The following PCM1 variants were observed in gnomAD, a reference collection of about 807,000 sequenced individuals.
PCM1 encodes the protein pericentriolar material 1.
PCM1 carries 157 observed loss-of-function variants against 241.9 expected under a neutral mutation model. The observed-to-expected ratio is 0.65, with a 90% confidence interval of 0.57 to 0.74. The LOEUF is 0.74. Among genes scored for constraint, PCM1 ranks in the 30% least tolerant of loss-of-function variants. The probability of loss-of-function intolerance (pLI) is 0.00; values close to 1 mark genes in which losing one functional copy is unlikely to be tolerated. For synonymous variants in PCM1, 1,085 were observed against 784.9 expected (o/e 1.38, Z -6.39); for missense variants, 3,478 against 2,360.1 (o/e 1.47, Z -9.81).
rs767341755 is a variant in PCM1 at position 17,969,702 on chromosome 8, C to T, written c.3538C>T (p.Pro1180Ser). The T allele has an allele frequency of 6.2e-7, 1 of 1,612,688 alleles. No individual in the cohort carries two copies. Among genetic ancestry groups the T allele is most frequent in the South Asian group, 1.1e-5 (1 of 90,998 alleles). ...AGGAAAAACAGAATATATGGCTTTTCCAAAACCTTTTGAAAGCAGTTCCTC... is the reference window on the plus strand; with the variant it reads ...AGGAAAAACAGAATATATGGCTTTTTCAAAACCTTTTGAAAGCAGTTCCTC... ...SSGKTEYMAF[P>S]KPFESSSSIG... Residue 1180 changes from proline to serine, a missense_variant, in exon 22 of 39, where the codon CCA (proline) becomes TCA (serine). Pro to Ser is a moderately conservative substitution (Grantham distance 74, BLOSUM62 -1). Transcript: ENST00000325083.
At position 17,957,692 on chromosome 8, in the gene PCM1, G is replaced by A. The variant is rs1184926801; in HGVS notation, c.1957G>A (p.Ala653Thr). The A allele has an allele frequency of 7.4e-6, 12 of 1,612,560 alleles. No individual in the cohort carries two copies. The South Asian group carries it at 1.2e-4, about 16-fold the overall frequency. ...SSLVDEHPED[A>T]EFEQKINRLM... is the part of the protein sequence containing the mutation. ...TCTGGTTGATGAGCATCCAGAAGAT[G>A]CTGAATTTGAACAGAAGATCAACCG... Residue 653 changes from alanine (A) to threonine (T), a missense_variant, in exon 13 of 39, where the codon GCT becomes ACT. Coordinates refer to ENST00000325083, the MANE Select transcript of PCM1 (RefSeq NM_006197.4).
intron 23 of PCM1, among the ~76,000 whole-genome samples, chr8:17,973,459 C>T (rs2077523230): frequency 6.6e-6 from 1 of 152,118 alleles, no homozygotes; most frequent in South Asian, 2.1e-4. Context: ...TGGCTCATGC[C>T]TGTAATCCCA....
Position 17,986,000 on chromosome 8 carries a change from A to G in PCM1, c.4323A>G (p.Gly1441=). 1 of 1,590,424 alleles carries G rather than the reference A, an allele frequency of 6.3e-7. No individual in the cohort carries two copies. Among genetic ancestry groups the G allele is most frequent in the Non-Finnish European group, 8.6e-7 (1 of 1,163,132 alleles). The change falls in exon 26 of 39, where the codon GGA becomes GGG. Residue 1441 remains glycine (G), a synonymous_variant. Transcript: ENST00000325083. ...SRHISESHEK[G]ENVKSVNSGT... ...ATATTTCTGAGAGCCATGAAAAAGG[A>G]GAAAATGTAAAGTCAGTAAACTCTG...
rs534391691 is a variant in PCM1 at position 17,973,213 on chromosome 8, A to AT, written c.3943+533dup. ...ATGTCATATTAAAGTTGTTTAAAAA[A>AT]TTTTTTTAAAATTTTCTTTATGGTG... On this transcript the variant is annotated intron_variant, in intron 23 of 38. Transcript: ENST00000325083. Among the ~76,000 whole-genome samples the AT allele has an allele frequency of 4.1e-3, 627 of 152,266 alleles. 3 individuals are homozygous for AT. Among genetic ancestry groups the AT allele is most frequent in the Middle Eastern group, 0.02 (6 of 294 alleles).
intron 15 of PCM1, 98 bp downstream of exon 15, chr8:17,960,542 T>TTTTTTTTTTTTGG (rs1586890974): frequency 1.1e-6 from 1 of 942,590 alleles, no homozygotes; most frequent in Non-Finnish European, 1.5e-6. Flanking sequence ...TCTTTTTTTT[T>TTTTTTTTTTTTGG]GAGGCAGAGT....
chr8:17,950,814 T>G, intron 8 of PCM1, 90 bp downstream of exon 8: 2 of 754,620 alleles, frequency 2.7e-6, no homozygotes, highest in Non-Finnish European at 4.6e-6. Context: ...ACATATCACC[T>G]GGCATGATTG....
At position 17,993,572 on chromosome 8, in the gene PCM1, G is replaced by C. The variant is rs759391157; in HGVS notation, c.4780G>C (p.Asp1594His). ...PCPRIDTQQL[D>H]RQIKAIMKEV... ...TCCTAGAATTGATACTCAGCAGCTG[G>C]ACCGGCAAATTAAAGCAATTATGAA... Residue 1594 changes from aspartate to histidine, a missense_variant, in exon 29 of 39, where the codon GAC becomes CAC. Transcript: ENST00000325083. 2.5e-5 allele frequency: 40 copies of C among 1,596,620 alleles called. No homozygotes were observed. The Admixed American group carries it at 6.6e-4, about 26-fold the overall frequency.
intron 27 of PCM1, 26 bp from the exon 28 acceptor site, chr8:17,991,515 CA>C (rs1379264756): frequency 3.2e-6 from 5 of 1,549,016 alleles, no homozygotes; most frequent in Non-Finnish European, 4.4e-6. Flanking sequence ...TTTACATACT[CA>C]AAAAATATTT....
intron 2 of PCM1, among the ~76,000 whole-genome samples, chr8:17,930,349 T>C (rs931854176): frequency 2.0e-5 from 3 of 151,716 alleles, no homozygotes; most frequent in African/African-American, 7.2e-5. Flanking sequence ...GTGATCCGCC[T>C]GCCTTGGCCT....
At chr8:17,988,642 G>A (rs1587924844) in intron 26 of PCM1, among the ~76,000 whole-genome samples, 1 of 151,870 alleles carries the variant, frequency 6.6e-6, no homozygotes, top group Non-Finnish European at 1.5e-5. Flanking sequence ...CTGATATATA[G>A]ACTGTATAAA....
intron 7 of PCM1, among the ~76,000 whole-genome samples, chr8:17,947,806 C>G (rs576711034): frequency 6.6e-6 from 1 of 152,142 alleles, no homozygotes; most frequent in Non-Finnish European, 1.5e-5. Flanking sequence ...TTAGTAGTAG[C>G]TAGTAGCTGT....
rs1396526343 is a variant in PCM1, at chr8:17,960,074, C to T, written c.2101C>T (p.Pro701Ser). The part of the protein sequence containing the change: ...ASASNLDDFY[P>S]AEEDTKQNSN... ...TGCATCAAATTTGGATGATTTCTAC[C>T]CAGCAGAAGAAGACACCAAGCAAAA... The change falls in exon 14 of 39, where the codon CCA (proline) becomes TCA (serine). Residue 701 changes from proline to serine, a missense_variant. Transcript: ENST00000325083. The T allele has an allele frequency of 3.7e-6, 6 of 1,610,996 alleles. No individual in the cohort carries two copies. The South Asian group carries it at 6.6e-5, about 18-fold the overall frequency.
At chr8:18,013,938 G>A (rs759834276) in intron 34 of PCM1, 26 bp from the exon 35 acceptor site, 7 of 1,445,106 alleles carry the variant, frequency 4.8e-6, no homozygotes, top group Non-Finnish European at 6.7e-6. Context: ...TTCAGGCCCT[G>A]CTATTAAAAC....
At chr8:18,023,449 T>C (rs551719318) in intron 36 of PCM1, among the ~76,000 whole-genome samples, 1 of 152,220 alleles carries the variant, frequency 6.6e-6, no homozygotes, top group African/African-American at 2.4e-5. Context: ...AAAGTTTTAA[T>C]GATACTTTCG....
rs139857939 is a variant in PCM1 at position 18,026,664 on chromosome 8, G to C, written c.6050-973G>C. ...TGCAGATAATACCTCTTTTCTACCC[G>C]ATGACAAGTATGTATCTAGCCCTAC... On this transcript the variant is annotated intron_variant, in intron 38 of 38. Coordinates refer to ENST00000325083, the MANE Select transcript of PCM1 (RefSeq NM_006197.4). 4.1e-3 allele frequency among the ~76,000 whole-genome samples: 622 copies of C among 152,000 alleles called. 3 individuals are homozygous for C. The highest frequency in any genetic ancestry group is 0.014 in the African/African-American group (573 of 41,422).
chr8:17,992,775 T>G (rs557012966), intron 28 of PCM1, among the ~76,000 whole-genome samples: 15 of 151,666 alleles, frequency 9.9e-5, no homozygotes, highest in Non-Finnish European at 2.2e-4. Flanking sequence ...TGCCACCATG[T>G]CCAGCTAAGT....
chr8:17,935,296 C>G (rs1275625476), intron 2 of PCM1, among the ~76,000 whole-genome samples: 1 of 152,150 alleles, frequency 6.6e-6, no homozygotes, highest in African/African-American at 2.4e-5. Context: ...TTGTTCTACC[C>G]TTTGGAACTG....
At chr8:17,954,404 G>A (rs2067237991) in intron 9 of PCM1, among the ~76,000 whole-genome samples, 1 of 144,054 alleles carries the variant, frequency 6.9e-6, no homozygotes, top group Non-Finnish European at 1.5e-5. Flanking sequence ...TCCAGCCTGG[G>A]CAACAAAAGT....
rs374948139 is a variant in PCM1 at position 17,957,283 on chromosome 8, A to G, written c.1666A>G (p.Thr556Ala). Residue 556 changes from threonine (T) to alanine (A), a missense_variant, in exon 12 of 39, where the codon ACT becomes GCT. Physicochemically the swap from Thr to Ala is moderately conservative, Grantham distance 58. Coordinates refer to ENST00000325083, the MANE Select transcript of PCM1 (RefSeq NM_006197.4). ...TNIRNPQVAS[T>A]WNEVNSHSNA... ...TTCTAGAAATCCACAAGTAGCTTCC[A>G]CTTGGAATGAAGTAAATAGTCATAG... 2 of 1,593,898 alleles carry G rather than the reference A, an allele frequency of 1.3e-6. No homozygotes were observed. Among genetic ancestry groups the G allele is most frequent in the Non-Finnish European group, 1.7e-6 (2 of 1,168,494 alleles).
Sources: gnomAD v4.1 joint callset for allele counts (sites outside exome capture counted in the v4.1 genomes callset) on GRCh38, gnomAD v4.1.1 for gene constraint, MANE v1.5 for transcripts, NCBI Gene and HGNC (gene_info 2026-07-23, HGNC 2026-07-21) for gene names.